HSDL1: variants seen among roughly 807,000 people sequenced by gnomAD.
HSDL1 encodes the protein inactive hydroxysteroid dehydrogenase-like protein 1.
In HSDL1, 29 loss-of-function variants were observed where a neutral mutation model predicts 31.5. The observed-to-expected ratio is 0.92, with a 90% confidence interval of 0.69 to 1.26. The LOEUF (loss-of-function observed/expected upper bound fraction) is 1.26, where lower values mean the gene tolerates loss of function less well. Ranked by LOEUF, HSDL1 falls within the 50% of genes most tolerant of loss-of-function variation. HSDL1 has a pLI of 0.00. For missense variants in HSDL1, 503 were observed against 416.6 expected, an observed-to-expected ratio of 1.21 and a Z score of -1.81; for synonymous variants, 222 against 155.2, an observed-to-expected ratio of 1.43 and a Z score of -3.20.
At position 84,142,728 on chromosome 16, in the gene HSDL1, G is replaced by A. The variant is rs529288006; in HGVS notation, c.-69+2352C>T. Among the ~76,000 whole-genome samples the A allele has an allele frequency of 7.7e-3, 1,171 of 152,206 alleles. 13 individuals carry two copies. Among genetic ancestry groups the A allele is most frequent in the African/African-American group, 0.027 (1,109 of 41,522 alleles). On this transcript the variant is annotated intron_variant, in intron 1 of 5. Coordinates refer to ENST00000219439, the MANE Select transcript of HSDL1 (RefSeq NM_031463.5). ...CAAAGCACTGGGATGTGACCGGCCG[G>A]ATCTCACACATCTTTAATATTCCTC... is the stretch of plus-strand genomic sequence containing the variant.
chr16:84,133,175 T>C (rs997930908), intron 2 of HSDL1, among the ~76,000 whole-genome samples: 1 of 151,942 alleles, frequency 6.6e-6, no homozygotes, highest in Non-Finnish European at 1.5e-5. Flanking sequence ...CATACAAGAA[T>C]GGCACCATAT....
intron 1 of HSDL1, chr16:84,139,271 G>A (rs1163694221): frequency 1.3e-5 from 2 of 152,304 alleles, no homozygotes; most frequent in East Asian, 1.9e-4. Flanking sequence ...TAAAGACTCC[G>A]AGCTGGGGAG....
At chr16:84,126,588 C>T (rs2086608940) in intron 5 of HSDL1, among the ~76,000 whole-genome samples, 1 of 152,220 alleles carries the variant, frequency 6.6e-6, no homozygotes, top group African/African-American at 2.4e-5. Context: ...AGTTCTAACA[C>T]CGTGTATACG....
chr16:84,143,993 G>A (rs2086802829), intron 1 of HSDL1, among the ~76,000 whole-genome samples: 2 of 151,838 alleles, frequency 1.3e-5, no homozygotes, highest in Admixed American at 6.6e-5. Context: ...ACTACAGCCC[G>A]GGCGACAGAG....
In HSDL1 at chr16:84,124,664, G is replaced by T; in HGVS notation, c.959C>A (p.Ser320Ter). 6.2e-7 allele frequency: 1 copy of T among 1,613,764 alleles called. No homozygotes were observed. The highest frequency in any genetic ancestry group is 8.5e-7 in the Non-Finnish European group (1 of 1,179,714). ...GCAGGATAAGGCTTCCTTACGTAGT[G>T]AACGGTTGAGAATATTTGCTCCCCA... ...WVWGANILNR[S>*]LRKEALSCTA The change falls in exon 6 of 6, where the codon TCA (serine) becomes TAA (stop). Residue 320 changes from serine (S) to a stop codon, truncating the protein, a stop_gained. Coordinates refer to ENST00000219439, the MANE Select transcript of HSDL1 (RefSeq NM_031463.5). LOFTEE classifies it high-confidence loss of function.
chr16:84,129,896 C>T, intron 4 of HSDL1, 90 bp downstream of exon 4: 1 of 1,440,926 alleles, frequency 6.9e-7, no homozygotes, highest in Non-Finnish European at 9.5e-7. Context: ...ATGTGAGTTG[C>T]TGACAAAGAG....
Position 84,131,090 on chromosome 16 carries a change from A to C in HSDL1, c.220+12T>G. ...TCACAGAAAAGATTATTTTGATTAT[A>C]AAGTAGGTTACCGCTGACAACGGCC... On this transcript the variant is annotated intron_variant, in intron 3 of 5. Transcript: ENST00000219439. 1.3e-6 allele frequency: 2 copies of C among 1,587,308 alleles called. No individual in the cohort carries two copies. The highest frequency in any genetic ancestry group is 8.6e-7 in the Non-Finnish European group (1 of 1,159,522).
chr16:84,137,667 G>A (rs1320131665), intron 1 of HSDL1, among the ~76,000 whole-genome samples: 1 of 152,220 alleles, frequency 6.6e-6, no homozygotes, highest in Non-Finnish European at 1.5e-5. Context: ...TAGAGAACTG[G>A]AAATTAAAAC....
chr16:84,141,431 G>A (rs997709623), intron 1 of HSDL1, among the ~76,000 whole-genome samples: 1 of 152,166 alleles, frequency 6.6e-6, no homozygotes, highest in Non-Finnish European at 1.5e-5. Flanking sequence ...GCTGGTGCTA[G>A]GCACGTGCAC....
At chr16:84,141,259 G>A (rs1412938125) in intron 1 of HSDL1, among the ~76,000 whole-genome samples, 2 of 152,076 alleles carry the variant, frequency 1.3e-5, no homozygotes, top group Non-Finnish European at 2.9e-5. Flanking sequence ...CAGCTGCACA[G>A]TATCTCACGG....
rs778980346 is a variant in HSDL1, at chr16:84,130,120, T to C, written c.532A>G (p.Ile178Val). The C allele has an allele frequency of 4.3e-6, 7 of 1,614,174 alleles. No individual in the cohort carries two copies. Among genetic ancestry groups the C allele is most frequent in the South Asian group, 2.2e-5 (2 of 91,084 alleles). The change falls in exon 4 of 6, where the codon ATT becomes GTT. Residue 178 changes from isoleucine to valine, a missense_variant. Physicochemically the swap from Ile to Val is conservative, Grantham distance 29. Coordinates refer to ENST00000219439, the MANE Select transcript of HSDL1 (RefSeq NM_031463.5). ...DKLWDIINVN[I>V]AAASLMVHVV... ...TGGACCATCAAACTAGCGGCGGCAA[T>C]GTTCACATTTATGATGTCCCAGAGC...
chr16:84,144,538 C>T (rs1214957140), intron 1 of HSDL1: 2 of 152,348 alleles, frequency 1.3e-5, no homozygotes, highest in African/African-American at 4.8e-5. Flanking sequence ...ACTCGGAAAT[C>T]CTGGCTGAAC....
At chr16:84,131,399 G>A (rs1597375035) in intron 2 of HSDL1, 72 bp from the exon 3 acceptor site, 2 of 1,054,194 alleles carry the variant, frequency 1.9e-6, no homozygotes, top group East Asian at 4.8e-5. Flanking sequence ...TCTGAGTGAA[G>A]ACATCCAGCT....
At chr16:84,131,868 A>G (rs985095338) in intron 2 of HSDL1, among the ~76,000 whole-genome samples, 3 of 152,160 alleles carry the variant, frequency 2.0e-5, no homozygotes, top group Admixed American at 6.5e-5. Context: ...TTTAGTAGAG[A>G]CAGGGTTTCA....
At position 84,144,101 on chromosome 16, in the gene HSDL1, C is replaced by T. The variant is rs1479374878; in HGVS notation, c.-69+979G>A. On this transcript the variant is annotated intron_variant, in intron 1 of 5. Coordinates refer to ENST00000219439, the MANE Select transcript of HSDL1 (RefSeq NM_031463.5). ...CTCTCTCTCTCTCTCTCTCCTGTGG[C>T]GGTCAGAGTAAAATTGAGAGCTCAC... 4.1e-5 allele frequency among the ~76,000 whole-genome samples: 6 copies of T among 145,904 alleles called. 1 individual carries two copies. Among genetic ancestry groups the T allele is most frequent in the Middle Eastern group, 7.1e-3 (2 of 280 alleles).
intron 1 of HSDL1, among the ~76,000 whole-genome samples, chr16:84,137,881 A>G (rs1428958383): frequency 1.3e-5 from 2 of 152,254 alleles, no homozygotes; most frequent in Non-Finnish European, 2.9e-5. Context: ...AAGCCTCGTC[A>G]AAGTTACTTT....
intron 1 of HSDL1, among the ~76,000 whole-genome samples, chr16:84,143,108 A>G (rs2086783749): frequency 6.6e-6 from 1 of 152,232 alleles, no homozygotes; most frequent in Non-Finnish European, 1.5e-5. Flanking sequence ...GCAGATACCC[A>G]AGATAATTAG....
chr16:84,132,518 G>C (rs558276876), intron 2 of HSDL1, among the ~76,000 whole-genome samples: 28 of 152,246 alleles, frequency 1.8e-4, no homozygotes, highest in African/African-American at 6.7e-4. Flanking sequence ...GGAAAGAAAA[G>C]TCCAACACAA....
intron 5 of HSDL1, among the ~76,000 whole-genome samples, chr16:84,129,334 C>T (rs1275838821): frequency 2.0e-5 from 3 of 151,774 alleles, no homozygotes; most frequent in Non-Finnish European, 1.5e-5. Context: ...GAGCTGAGAT[C>T]GCACCACTGC....
Sources: gnomAD v4.1 joint callset for allele counts (sites outside exome capture counted in the v4.1 genomes callset) on GRCh38, gnomAD v4.1.1 for gene constraint, MANE v1.5 for transcripts, NCBI Gene and HGNC (gene_info 2026-07-23, HGNC 2026-07-21) for gene names.